CLTB: variants seen among roughly 807,000 people sequenced by gnomAD.
CLTB encodes the protein clathrin, light chain (Lcb).
A neutral mutation model predicts 30.5 loss-of-function variants in CLTB; 10 were observed. The observed-to-expected ratio is 0.33, with a 90% CI of 0.20 to 0.56. The LOEUF (loss-of-function observed/expected upper bound fraction) is 0.56, where lower values mean the gene tolerates loss of function less well. Among genes scored for constraint, CLTB ranks in the 20% least tolerant of loss-of-function variants. The probability of loss-of-function intolerance (pLI) is 0.91; values close to 1 mark genes in which losing one functional copy is unlikely to be tolerated. For synonymous variants in CLTB, 102 were observed against 120.3 expected (o/e 0.85, Z 1.00); for missense variants, 261 against 308.3 (o/e 0.85, Z 1.15).
chr5:176,396,954 T>A (rs1756553505), intron 4 of CLTB, among the ~76,000 whole-genome samples: 1 of 150,410 alleles, frequency 6.6e-6, no homozygotes, highest in East Asian at 1.9e-4. Flanking sequence ...CCTCCTGCCC[T>A]TTTTTCCCTT....
intron 1 of CLTB, among the ~76,000 whole-genome samples, chr5:176,410,598 T>C (rs550565592): frequency 1.4e-4 from 21 of 152,244 alleles, no homozygotes; most frequent in African/African-American, 5.1e-4. Flanking sequence ...ATGCTCAAAA[T>C]CACCCAGCCA....
At chr5:176,411,798 C>T (rs1368784602) in intron 1 of CLTB, among the ~76,000 whole-genome samples, 2 of 152,214 alleles carry the variant, frequency 1.3e-5, no homozygotes, top group African/African-American at 4.8e-5. Flanking sequence ...ACCAGCCCAT[C>T]CCACAAACCC....
rs564986488 is a variant in CLTB, at chr5:176,410,040, C to T, written c.234+217G>A. Among the ~76,000 whole-genome samples, 10 of 152,326 alleles carry T rather than the reference C, an allele frequency of 6.6e-5. No individual in the cohort carries two copies. In the South Asian group the frequency reaches 1.7e-3, roughly 25 times the overall value. On this transcript the variant is annotated intron_variant, in intron 2 of 5. Coordinates refer to ENST00000310418, the MANE Select transcript of CLTB (RefSeq NM_007097.5). ...CATCACCATGGGCAACCTGAGGCTA[C>T]TGCCCATCAATCTCGATCTCTAGTG...
chr5:176,410,283 T>C lies in CLTB; in HGVS notation c.208A>G (p.Thr70Ala). 1 of 1,613,908 alleles carries C rather than the reference T, an allele frequency of 6.2e-7. No homozygotes were observed. Among genetic ancestry groups the C allele is most frequent in the Admixed American group, 1.7e-5 (1 of 59,968 alleles). Residue 70 changes from threonine to alanine, a missense_variant, in exon 2 of 6, where the codon ACC becomes GCC. Thr to Ala is a moderately conservative substitution (Grantham distance 58). This residue lies in a region of CLTB where 113 missense variants were observed against 102.5 expected (regional missense o/e 1.10). Coordinates refer to ENST00000310418, the MANE Select transcript of CLTB (RefSeq NM_007097.5). ...TSGAGSEDMG[T>A]TVNGDVFQEA... is the part of the protein sequence containing the mutation. ...TGAAACACATCTCCATTGACTGTGG[T>C]CCCCATGTCCTCAGAACCAGCTGGA...
intron 2 of CLTB, among the ~76,000 whole-genome samples, chr5:176,403,093 A>C (rs1300689629): frequency 1.4e-5 from 2 of 138,408 alleles, no homozygotes; most frequent in Non-Finnish European, 1.5e-5. Context: ...TCTGTCGCCC[A>C]GGCTGGAGTG....
Position 176,392,614 on chromosome 5 carries a change from G to T in CLTB, c.*160C>A. ...GACCAGAGGGCCAGGAGGGAGCGAG[G>T]CGTGATGGGGTGAGGGCCCCCCTCC... On this transcript the variant is annotated 3_prime_UTR_variant, in exon 6 of 6. Coordinates refer to ENST00000310418, the MANE Select transcript of CLTB (RefSeq NM_007097.5). This position sits in a 1 kb window ranked among gnomAD's most constrained non-coding sequence, Gnocchi z 5.2. The T allele has an allele frequency of 1.4e-6, 1 of 729,752 alleles. No homozygotes were observed. Among genetic ancestry groups the T allele is most frequent in the South Asian group, 1.8e-5 (1 of 56,258 alleles). 45.2% of individuals were successfully genotyped at this position (729,752 alleles called of 1,614,324 possible).
chr5:176,394,791 G>T (rs1290640890), intron 5 of CLTB, among the ~76,000 whole-genome samples: 1 of 151,920 alleles, frequency 6.6e-6, no homozygotes, highest in Non-Finnish European at 1.5e-5. Context: ...CTCCAGCCTG[G>T]GTGACAGAGC....
Position 176,397,725 on chromosome 5 carries a change from C to A in CLTB, c.353-7G>T. 1 of 1,609,716 alleles carries A rather than the reference C, an allele frequency of 6.2e-7. No homozygotes were observed. On this transcript the variant is annotated splice_polypyrimidine_tract_variant and splice_region_variant and intron_variant, in intron 3 of 5. Coordinates refer to ENST00000310418, the MANE Select transcript of CLTB (RefSeq NM_007097.5). ...GTGACCTTAGATGCAGCATCTAGGA[C>A]CCCACAAGAGAATGAGTGGCTGCTT... is the stretch of plus-strand genomic sequence containing the variant.
intron 2 of CLTB, among the ~76,000 whole-genome samples, chr5:176,404,986 TG>T (rs1467213796): frequency 6.6e-6 from 1 of 152,198 alleles, no homozygotes; most frequent in Non-Finnish European, 1.5e-5. Context: ...TCGAGCGAGC[TG>T]TTAAACCTCC....
At chr5:176,403,524 G>A (rs1041187170) in intron 2 of CLTB, among the ~76,000 whole-genome samples, 5 of 142,150 alleles carry the variant, frequency 3.5e-5, no homozygotes, top group African/African-American at 7.9e-5. Flanking sequence ...ACGTGATCTC[G>A]GCCCACTGCA....
At chr5:176,394,671 C>G (rs375241427) in intron 5 of CLTB, among the ~76,000 whole-genome samples, 5 of 152,026 alleles carry the variant, frequency 3.3e-5, no homozygotes, top group African/African-American at 1.2e-4. Flanking sequence ...CAAAATTAGC[C>G]GGGCATGGTG....
chr5:176,408,760 A>C (rs1455090392), intron 2 of CLTB, among the ~76,000 whole-genome samples: 1 of 152,192 alleles, frequency 6.6e-6, no homozygotes, highest in African/African-American at 2.4e-5. Flanking sequence ...GATTCACATG[A>C]TCTTCTCACT....
At position 176,393,690 on chromosome 5, in the gene CLTB, T is replaced by G. The variant is rs1756359645; in HGVS notation, c.519-745A>C. 6.6e-6 allele frequency among the ~76,000 whole-genome samples: 1 copy of G among 152,168 alleles called. No individual in the cohort carries two copies. The highest frequency in any genetic ancestry group is 2.4e-5 in the African/African-American group (1 of 41,434). ...TGAATGCTCCACTGGAGTCTGCTTT[T>G]GGTTGGAATCAAGTTAGGATGAAAA... is the stretch of plus-strand genomic sequence containing the variant. On this transcript the variant is annotated intron_variant, in intron 5 of 5. Coordinates refer to ENST00000310418, the MANE Select transcript of CLTB (RefSeq NM_007097.5). The surrounding 1 kb of genome is among the most constrained non-coding windows in gnomAD (Gnocchi z 4.4).
In CLTB at chr5:176,392,601, A is replaced by C; in HGVS notation, c.*173T>G. ...GCGTGAGGGGCTGGACCAGAGGGCC[A>C]GGAGGGAGCGAGGCGTGATGGGGTG... On this transcript the variant is annotated 3_prime_UTR_variant, in exon 6 of 6. Transcript: ENST00000310418. This position sits in a 1 kb window ranked among gnomAD's most constrained non-coding sequence, Gnocchi z 5.2. 1.5e-6 allele frequency: 1 copy of C among 655,614 alleles called. No homozygotes were observed. The highest frequency in any genetic ancestry group is 1.9e-5 in the South Asian group (1 of 52,984). 40.6% of individuals were successfully genotyped at this position (655,614 alleles called of 1,614,324 possible). A position where few individuals can be genotyped will look rare whatever the true frequency, so the allele number is the denominator to read the frequency against.
intron 1 of CLTB, among the ~76,000 whole-genome samples, chr5:176,412,758 T>TC (rs1293458098): frequency 9.2e-5 from 14 of 152,152 alleles, no homozygotes. Context: ...TCACTCCCAT[T>TC]CCTTCAGATA....
chr5:176,397,653 T>C lies in CLTB; in HGVS notation c.418A>G (p.Asn140Asp). Residue 140 changes from asparagine to aspartate, a missense_variant, in exon 4 of 6, where the codon AAC becomes GAC. Around this residue, in one of 3 missense-constraint regions of CLTB, gnomAD observed 123 missense variants for 157.0 expected, o/e 0.78. Coordinates refer to ENST00000310418, the MANE Select transcript of CLTB (RefSeq NM_007097.5). ...EKAKKDLEEW[N>D]QRQSEQVEKN... ...TCTACTTGTTCACTCTGGCGCTGGT[T>C]CCACTCCTCCAGGTCCTTCTTGGCC... 1 of 1,613,304 alleles carries C rather than the reference T, an allele frequency of 6.2e-7. No homozygotes were observed. Among genetic ancestry groups the C allele is most frequent in the Non-Finnish European group, 8.5e-7 (1 of 1,179,826 alleles).
At chr5:176,415,749 C>T (rs1039663294) in intron 1 of CLTB, among the ~76,000 whole-genome samples, 3 of 152,118 alleles carry the variant, frequency 2.0e-5, no homozygotes, top group Non-Finnish European at 2.9e-5. Context: ...CCTGGAGCAC[C>T]CAGGATCCTC....
chr5:176,415,986 C>G (rs1757672153), intron 1 of CLTB, among the ~76,000 whole-genome samples, 191 bp downstream of exon 1: 2 of 152,240 alleles, frequency 1.3e-5, no homozygotes, highest in South Asian at 4.1e-4. Context: ...ACCAGATCCA[C>G]AGCCCCAGGC....
chr5:176,394,987 T>TC (rs1756451596), intron 5 of CLTB, among the ~76,000 whole-genome samples: 1 of 151,920 alleles, frequency 6.6e-6, no homozygotes, highest in South Asian at 2.1e-4. Flanking sequence ...CTCCTGTGGC[T>TC]CCCCACTGCC....
Sources: gnomAD v4.1 joint callset for allele counts (sites outside exome capture counted in the v4.1 genomes callset) on GRCh38, gnomAD v4.1.1 for gene constraint, gnomAD v4.1.1 regional missense constraint, Gnocchi (gnomAD v3.1) non-coding constraint, MANE v1.5 for transcripts, NCBI Gene and HGNC (gene_info 2026-07-23, HGNC 2026-07-21) for gene names.